The following TAFA1 variants were observed in gnomAD, a reference collection of about 807,000 sequenced individuals.
The protein encoded by TAFA1 is TAFA chemokine like family member 1.
In TAFA1, 4 loss-of-function variants were observed where a neutral mutation model predicts 18.5. The observed-to-expected ratio is 0.22, with a 90% CI of 0.11 to 0.49. The LOEUF is 0.49. Ranked by LOEUF, TAFA1 falls within the 20% of genes least tolerant of loss-of-function variation. TAFA1 has a pLI of 0.98. For synonymous variants in TAFA1, 56 were observed against 55.2 expected, an observed-to-expected ratio of 1.01 and a Z score of -0.06; for missense variants, 147 against 169.0, an observed-to-expected ratio of 0.87 and a Z score of 0.72.
chr3:68,531,256 C>A (rs1014045232), intron 3 of TAFA1, among the ~76,000 whole-genome samples: 6 of 152,064 alleles, frequency 3.9e-5, no homozygotes, highest in African/African-American at 9.7e-5. Flanking sequence ...TCTGCCTCCT[C>A]AGAAGAAAGA....
intron 2 of TAFA1, among the ~76,000 whole-genome samples, chr3:68,178,868 C>T (rs1468312659): frequency 6.6e-6 from 1 of 152,206 alleles, no homozygotes; most frequent in Non-Finnish European, 1.5e-5. Context: ...GTGCTTCCAG[C>T]TGGTGGTGGA....
intron 2 of TAFA1, among the ~76,000 whole-genome samples, chr3:68,065,742 A>G (rs112962944): frequency 9.5e-4 from 117 of 123,776 alleles, no homozygotes; most frequent in Admixed American, 2.0e-3. Flanking sequence ...GTGTGTGTGT[A>G]TATATATATA....
intron 2 of TAFA1, among the ~76,000 whole-genome samples, chr3:68,305,416 T>TG (rs1559608859): frequency 0.11 from 4,213 of 38,538 alleles, 410 homozygotes; most frequent in East Asian, 0.28. Context: ...TGACTATATA[T>TG]ATATATATAT....
At chr3:68,267,825 C>G (rs1043290489) in intron 2 of TAFA1, among the ~76,000 whole-genome samples, 1 of 151,976 alleles carries the variant, frequency 6.6e-6, no homozygotes, top group African/African-American at 2.4e-5. Context: ...TTCTGTGACT[C>G]CTCTTATTTC....
chr3:68,486,791 T>A (rs1363882156), intron 3 of TAFA1, among the ~76,000 whole-genome samples: 1 of 152,234 alleles, frequency 6.6e-6, no homozygotes, highest in Non-Finnish European at 1.5e-5. Context: ...TCTGGGCACA[T>A]ACACAACTGA....
At chr3:68,016,113 T>C (rs372707101) in intron 2 of TAFA1, among the ~76,000 whole-genome samples, 33 of 152,332 alleles carry the variant, frequency 2.2e-4, no homozygotes, top group African/African-American at 7.9e-4. Context: ...CAATTAAGTT[T>C]GCTGTGGACG....
At chr3:68,313,353 C>T (rs181183464) in intron 2 of TAFA1, among the ~76,000 whole-genome samples, 7 of 152,128 alleles carry the variant, frequency 4.6e-5, no homozygotes, top group East Asian at 1.9e-4. Flanking sequence ...TATTTTTTGT[C>T]GTCCTAGATG....
At chr3:68,515,766 A>G (rs1050655296) in intron 3 of TAFA1, among the ~76,000 whole-genome samples, 1 of 152,218 alleles carries the variant, frequency 6.6e-6, no homozygotes, top group Non-Finnish European at 1.5e-5. Flanking sequence ...GTGGATAATA[A>G]TGATCTTCTT....
rs536477670 is a variant in TAFA1, at chr3:68,099,140, AC to A, written c.118+92397del. Among the ~76,000 whole-genome samples the A allele has an allele frequency of 3.7e-3, 564 of 152,264 alleles. 5 individuals carry two copies. The highest frequency in any genetic ancestry group is 0.013 in the African/African-American group (545 of 41,574). On this transcript the variant is annotated intron_variant, in intron 2 of 4. Coordinates refer to ENST00000478136, the MANE Select transcript of TAFA1 (RefSeq NM_213609.4). ...GTTCTCAAAAGCAATTGTAGCAAAA[AC>A]AAAAATTGACAAGTGGGACTCAATT...
intron 2 of TAFA1, among the ~76,000 whole-genome samples, chr3:68,041,596 G>A (rs893582364): frequency 5.3e-5 from 8 of 152,242 alleles, no homozygotes; most frequent in Middle Eastern, 3.4e-3. Context: ...TTCAGGTATT[G>A]AAAACTCTTT....
intron 2 of TAFA1, among the ~76,000 whole-genome samples, chr3:68,175,413 C>G (rs541925295): frequency 6.6e-6 from 1 of 152,300 alleles, no homozygotes; most frequent in East Asian, 1.9e-4. Flanking sequence ...GAAGTCTGTA[C>G]CCTGCACAAC....
chr3:68,217,060 T>C (rs12497776), intron 2 of TAFA1, among the ~76,000 whole-genome samples: 22,514 of 152,014 alleles, frequency 0.15, 1,913 homozygotes, highest in Admixed American at 0.22. Context: ...GACTTTCTTC[T>C]GAAGTGTAAA....
At chr3:68,119,864 T>C (rs1211750937) in intron 2 of TAFA1, among the ~76,000 whole-genome samples, 1 of 152,230 alleles carries the variant, frequency 6.6e-6, no homozygotes, top group African/African-American at 2.4e-5. Flanking sequence ...GGGTTTCCCA[T>C]ACATACCCTA....
chr3:68,200,329 G>A (rs1404206082), intron 2 of TAFA1, among the ~76,000 whole-genome samples: 4 of 151,530 alleles, frequency 2.6e-5, no homozygotes, highest in Non-Finnish European at 4.4e-5. Context: ...TTTTGTATTT[G>A]GGTGGTGCTG....
chr3:68,434,577 G>T (rs965291713), intron 3 of TAFA1, among the ~76,000 whole-genome samples: 1 of 151,944 alleles, frequency 6.6e-6, no homozygotes, highest in Non-Finnish European at 1.5e-5. Flanking sequence ...GCAGAAATTT[G>T]TTCTATCTAT....
intron 2 of TAFA1, among the ~76,000 whole-genome samples, chr3:68,333,563 C>G (rs796977687): frequency 3.3e-4 from 50 of 152,162 alleles, no homozygotes; most frequent in African/African-American, 1.2e-3. Context: ...ACACCAAACC[C>G]CTGCGACACA....
chr3:68,012,575 T>C (rs892076690), intron 2 of TAFA1, among the ~76,000 whole-genome samples: 1 of 152,218 alleles, frequency 6.6e-6, no homozygotes, highest in African/African-American at 2.4e-5. Context: ...TAAACATCCT[T>C]TCTACAGTGG....
intron 2 of TAFA1, among the ~76,000 whole-genome samples, chr3:68,229,123 G>A (rs1376998687): frequency 6.6e-6 from 1 of 152,180 alleles, no homozygotes; most frequent in Non-Finnish European, 1.5e-5. Flanking sequence ...ATGGACTTGT[G>A]ATTTTTGAAC....
intron 2 of TAFA1, among the ~76,000 whole-genome samples, chr3:68,298,299 C>T (rs968833911): frequency 3.9e-5 from 6 of 152,036 alleles, no homozygotes; most frequent in Non-Finnish European, 5.9e-5. Context: ...ATTTGGACTA[C>T]GGAAGTGAGG....
Sources: gnomAD v4.1 joint callset for allele counts (sites outside exome capture counted in the v4.1 genomes callset) on GRCh38, gnomAD v4.1.1 for gene constraint, MANE v1.5 for transcripts, NCBI Gene and HGNC (gene_info 2026-07-23, HGNC 2026-07-21) for gene names.